The following SAMD12 variants were observed in gnomAD, a reference collection of about 807,000 sequenced individuals.
The protein encoded by SAMD12 is sterile alpha motif domain-containing protein 12.
Under a neutral mutation model 15.0 loss-of-function variants are expected in SAMD12, and 9 were observed. The observed-to-expected ratio is 0.60, with a 90% CI of 0.36 to 1.05. The LOEUF (loss-of-function observed/expected upper bound fraction) is 1.05, where lower values mean the gene tolerates loss of function less well. Among genes scored for constraint, SAMD12 ranks in the 50% least tolerant of loss-of-function variants. SAMD12 has a pLI of 0.01. For synonymous variants in SAMD12, 86 were observed against 90.1 expected, an observed-to-expected ratio of 0.96 and a Z score of 0.25; for missense variants, 230 against 234.2, an observed-to-expected ratio of 0.98 and a Z score of 0.12.
chr8:118,612,016 C>T (rs1396402688), intron 1 of SAMD12, among the ~76,000 whole-genome samples: 1 of 152,152 alleles, frequency 6.6e-6, no homozygotes, highest in Non-Finnish European at 1.5e-5. Context: ...CAGAATCACA[C>T]AGCACAGCAA....
At chr8:118,236,363 T>G (rs1812430398) in intron 4 of SAMD12, among the ~76,000 whole-genome samples, 1 of 152,124 alleles carries the variant, frequency 6.6e-6, no homozygotes, top group South Asian at 2.1e-4. Context: ...TAATAAGAAT[T>G]AAATACAGCC....
intron 2 of SAMD12, among the ~76,000 whole-genome samples, chr8:118,486,259 CA>C (rs915173824): frequency 1.2e-4 from 18 of 151,614 alleles, no homozygotes; most frequent in East Asian, 1.2e-3. Flanking sequence ...CTAAAAAATA[CA>C]AAAAAATTAG....
At chr8:118,192,743 A>G (rs1819444005) in exon 5 of SAMD12, 3 of 152,380 alleles carry the variant, frequency 2.0e-5, no homozygotes, top group Middle Eastern at 3.4e-3. Context: ...ATGATCAGAA[A>G]TAATGTCTAA....
intron 4 of SAMD12, among the ~76,000 whole-genome samples, chr8:118,328,115 C>G (rs554511977): frequency 6.6e-6 from 1 of 152,280 alleles, no homozygotes; most frequent in Non-Finnish European, 1.5e-5. Context: ...CAGTAGACAA[C>G]CAATAGACAT....
In SAMD12 at chr8:118,364,012, T is replaced by G. The variant is rs146750080; in HGVS notation, c.433+15548A>C. Among the ~76,000 whole-genome samples the G allele has an allele frequency of 3.7e-3, 569 of 152,372 alleles. 4 individuals are homozygous for G. The highest frequency in any genetic ancestry group is 0.012 in the African/African-American group (487 of 41,592). On this transcript the variant is annotated intron_variant, in intron 4 of 4. Transcript: ENST00000409003. ...AGAAATAAAAACTAGTATCTAATGCTAATGTTAGATATTAATAATTCAGAA... is the reference window on the plus strand; with the variant it reads ...AGAAATAAAAACTAGTATCTAATGCGAATGTTAGATATTAATAATTCAGAA...
chr8:118,506,287 G>A (rs1263121611), intron 2 of SAMD12, among the ~76,000 whole-genome samples: 3 of 152,078 alleles, frequency 2.0e-5, no homozygotes, highest in African/African-American at 7.2e-5. Flanking sequence ...TCTTATTTAT[G>A]AAACCTAATA....
At chr8:118,554,764 A>C (rs1212460569) in intron 2 of SAMD12, among the ~76,000 whole-genome samples, 3 of 152,184 alleles carry the variant, frequency 2.0e-5, no homozygotes, top group Admixed American at 2.0e-4. Flanking sequence ...GGTCTCGCCC[A>C]ATCAGTTGAA....
At chr8:118,440,610 G>A (rs1400355970) in intron 2 of SAMD12, among the ~76,000 whole-genome samples, 1 of 109,440 alleles carries the variant, frequency 9.1e-6, no homozygotes. Context: ...ACTAGTCAAG[G>A]TCTTTTTTTT....
intron 4 of SAMD12, among the ~76,000 whole-genome samples, chr8:118,261,416 C>T: frequency 6.6e-6 from 1 of 152,084 alleles, no homozygotes; most frequent in Admixed American, 6.6e-5. Context: ...CACATAATGA[C>T]ACTTGGGGAG....
At chr8:118,487,783 T>C (rs1563890064) in intron 2 of SAMD12, among the ~76,000 whole-genome samples, 1 of 152,236 alleles carries the variant, frequency 6.6e-6, no homozygotes, top group Non-Finnish European at 1.5e-5. Flanking sequence ...ATTTGACCTC[T>C]ATCCTTTCTA....
At chr8:118,537,850 C>T (rs1825887909) in intron 2 of SAMD12, among the ~76,000 whole-genome samples, 1 of 152,162 alleles carries the variant, frequency 6.6e-6, no homozygotes, top group Non-Finnish European at 1.5e-5. Flanking sequence ...TCCTGGATTA[C>T]ACTGATGCTT....
chr8:118,609,035 C>T (rs1294852529), intron 1 of SAMD12, among the ~76,000 whole-genome samples: 2 of 152,202 alleles, frequency 1.3e-5, no homozygotes, highest in African/African-American at 4.8e-5. Flanking sequence ...AGATCCCAAA[C>T]ATTTCTAAAA....
chr8:118,357,223 T>C (rs1488091403), intron 4 of SAMD12, among the ~76,000 whole-genome samples: 1 of 152,148 alleles, frequency 6.6e-6, no homozygotes, highest in African/African-American at 2.4e-5. Flanking sequence ...TATTTCAAAT[T>C]GCTAAAAGTG....
Position 118,329,294 on chromosome 8 carries a change from T to C in SAMD12, c.433+50266A>G, listed in dbSNP as rs139895578. On this transcript the variant is annotated intron_variant, in intron 4 of 4. Transcript: ENST00000409003. Reference sequence around the variant, plus strand: ...AGCCTTGGCAAATTTTTCTCTTACATGGTTTAATTTTTACTTTTAGGTTTT... The same window carrying C: ...AGCCTTGGCAAATTTTTCTCTTACACGGTTTAATTTTTACTTTTAGGTTTT... Among the ~76,000 whole-genome samples, 590 of 152,290 alleles carry C rather than the reference T, an allele frequency of 3.9e-3. 3 individuals carry two copies. The highest frequency in any genetic ancestry group is 0.017 in the Middle Eastern group (5 of 294).
chr8:118,309,059 G>C (rs551943367), intron 4 of SAMD12, among the ~76,000 whole-genome samples: 3 of 152,120 alleles, frequency 2.0e-5, no homozygotes, highest in Non-Finnish European at 4.4e-5. Flanking sequence ...AAGTTCTTTA[G>C]TGGAAATTTC....
chr8:118,421,980 C>T (rs1213786813), intron 3 of SAMD12, among the ~76,000 whole-genome samples: 3 of 152,128 alleles, frequency 2.0e-5, no homozygotes, highest in African/African-American at 7.2e-5. Flanking sequence ...AAGAACAAGA[C>T]AGGAAGACCG....
intron 4 of SAMD12, among the ~76,000 whole-genome samples, chr8:118,202,113 G>A (rs1819731432): frequency 6.6e-6 from 1 of 152,156 alleles, no homozygotes; most frequent in Non-Finnish European, 1.5e-5. Flanking sequence ...TGCCTCACCA[G>A]GCTGCTGTGT....
chr8:118,205,759 G>T (rs572206615), intron 4 of SAMD12, among the ~76,000 whole-genome samples: 1 of 151,984 alleles, frequency 6.6e-6, no homozygotes, highest in African/African-American at 2.4e-5. Flanking sequence ...TCTGCTGCCT[G>T]GCTTTGCAGT....
intron 4 of SAMD12, among the ~76,000 whole-genome samples, chr8:118,354,151 A>G (rs1201324246): frequency 2.0e-5 from 3 of 152,236 alleles, no homozygotes; most frequent in Admixed American, 1.3e-4. Flanking sequence ...GACTGATATT[A>G]AAAATTTCAA....
Sources: gnomAD v4.1 joint callset for allele counts (sites outside exome capture counted in the v4.1 genomes callset) on GRCh38, gnomAD v4.1.1 for gene constraint, MANE v1.5 for transcripts, NCBI Gene and HGNC (gene_info 2026-07-23, HGNC 2026-07-21) for gene names.